The following IMPA1 variants were observed in gnomAD, a reference collection of about 807,000 sequenced individuals.
IMPA1 encodes the protein D-galactose 1-phosphate phosphatase.
A neutral mutation model predicts 34.9 loss-of-function variants in IMPA1; 21 were observed. The observed-to-expected ratio is 0.60, with a 90% confidence interval of 0.43 to 0.87. The LOEUF (loss-of-function observed/expected upper bound fraction) is 0.87, where lower values mean the gene tolerates loss of function less well. Among genes scored for constraint, IMPA1 ranks in the 40% least tolerant of loss-of-function variants. The pLI, the probability that IMPA1 is intolerant of heterozygous loss-of-function variation, is 0.00. For missense variants in IMPA1, 299 were observed against 336.4 expected (o/e 0.89, Z 0.87); for synonymous variants, 95 against 104.4 (o/e 0.91, Z 0.55).
At chr8:81,679,038 T>A (rs1807214276) in intron 4 of IMPA1, 88 bp downstream of exon 4, 1 of 784,478 alleles carries the variant, frequency 1.3e-6, no homozygotes, top group East Asian at 2.6e-5. Flanking sequence ...TACAATTTTC[T>A]AAAGTGTACA....
At chr8:81,685,100 T>C (rs1807462367) in intron 1 of IMPA1, among the ~76,000 whole-genome samples, 1 of 135,706 alleles carries the variant, frequency 7.4e-6, no homozygotes, top group East Asian at 2.1e-4. Flanking sequence ...TATATTTAGA[T>C]ACTATATATA....
chr8:81,679,809 G>A (rs73283093), intron 3 of IMPA1, among the ~76,000 whole-genome samples: 5,815 of 151,974 alleles, frequency 0.038, 374 homozygotes, highest in African/African-American at 0.13. Flanking sequence ...ACACATTTGC[G>A]GCAGATAAGA....
rs373708876 is a variant in IMPA1, at chr8:81,673,989, T to C, written c.349-40A>G. The stretch of plus-strand genomic sequence containing the variant: ...AAGTTTCCTTTACCAAACCTAAGTA[T>C]GTTTCATCCACTTTTTTCTAAGAAA... On this transcript the variant is annotated intron_variant, in intron 5 of 8. Transcript: ENST00000256108. 275 of 1,200,888 alleles carry C rather than the reference T, an allele frequency of 2.3e-4. 1 individual carries two copies. Among genetic ancestry groups the C allele is most frequent in the Admixed American group, 4.5e-4 (26 of 58,096 alleles). 74.4% of individuals were successfully genotyped at this position (1,200,888 alleles called of 1,614,324 possible).
chr8:81,666,727 G>A (rs1174370450), intron 7 of IMPA1, among the ~76,000 whole-genome samples: 2 of 151,472 alleles, frequency 1.3e-5, no homozygotes, highest in Admixed American at 6.6e-5. Flanking sequence ...TACAAAAGCC[G>A]GGCATGGTGG....
In IMPA1 at chr8:81,665,929, A is replaced by C. The variant is rs7825554; in HGVS notation, c.566+5010T>G. On this transcript the variant is annotated intron_variant, in intron 7 of 8. Transcript: ENST00000256108. ...CCCAAACTCAGGGAAAACTGTGCAC[A>C]TGTGCCCTCCCCCAAGGAATCTACT... is the stretch of plus-strand genomic sequence containing the variant. 9.2e-3 allele frequency among the ~76,000 whole-genome samples: 1,404 copies of C among 152,340 alleles called. 18 individuals carry two copies. Among genetic ancestry groups the C allele is most frequent in the African/African-American group, 0.031 (1,300 of 41,576 alleles).
chr8:81,676,280 CTT>C lies in IMPA1; in HGVS notation c.303-3_303-2del, dbSNP rs763126450. 1 of 1,305,842 alleles carries C rather than the reference CTT, an allele frequency of 7.7e-7. No individual in the cohort carries two copies. The highest frequency in any genetic ancestry group is 1.5e-5 in the African/African-American group (1 of 65,952). 80.9% of individuals were successfully genotyped at this position (1,305,842 alleles called of 1,614,324 possible). ...AATTGAAACAGCTACAAAAGGAAAT[CTT>C]TTTTTAAAAAAAAGGACAAAATACA... On this transcript the variant is annotated splice_acceptor_variant and splice_polypyrimidine_tract_variant and intron_variant, in intron 4 of 8. Coordinates refer to ENST00000256108, the MANE Select transcript of IMPA1 (RefSeq NM_005536.4). LOFTEE classifies it high-confidence loss of function.
chr8:81,676,495 C>T (rs1455189249), intron 4 of IMPA1, among the ~76,000 whole-genome samples: 1 of 152,040 alleles, frequency 6.6e-6, no homozygotes, highest in African/African-American at 2.4e-5. Flanking sequence ...ACCCTCCCCC[C>T]AACACACAGG....
At chr8:81,681,263 T>C (rs112949333) in intron 2 of IMPA1, among the ~76,000 whole-genome samples, 1 of 152,146 alleles carries the variant, frequency 6.6e-6, no homozygotes, top group Non-Finnish European at 1.5e-5. Flanking sequence ...TGGTGGCTCA[T>C]GCCTGCTGTA....
At chr8:81,674,809 G>C in intron 5 of IMPA1, 1 of 455,202 alleles carries the variant, frequency 2.2e-6, no homozygotes, top group Non-Finnish European at 4.4e-6. Flanking sequence ...TCATAATCGG[G>C]GGAAGAACCT....
intron 7 of IMPA1, among the ~76,000 whole-genome samples, chr8:81,668,172 G>A (rs28769910): frequency 0.096 from 14,538 of 152,140 alleles, 872 homozygotes; most frequent in Middle Eastern, 0.15. Context: ...ATGAATTAGG[G>A]TATCTGGCAG....
At chr8:81,674,654 C>A in intron 5 of IMPA1, 1 of 355,954 alleles carries the variant, frequency 2.8e-6, no homozygotes, top group Non-Finnish European at 5.5e-6. Flanking sequence ...GATTTTAGAA[C>A]ATTCTTTTCT....
chr8:81,673,882 G>A lies in IMPA1; in HGVS notation c.416C>T (p.Ala139Val), dbSNP rs1442076876. The A allele has an allele frequency of 6.2e-7, 1 of 1,612,750 alleles. No homozygotes were observed. Among genetic ancestry groups the A allele is most frequent in the African/African-American group, 1.3e-5 (1 of 74,870 alleles). Residue 139 changes from alanine to valine, a missense_variant, in exon 6 of 9, where the codon GCC (alanine) becomes GTC (valine). Ala to Val is a moderately conservative substitution (Grantham distance 64, BLOSUM62 0). Coordinates refer to ENST00000256108, the MANE Select transcript of IMPA1 (RefSeq NM_005536.4). ...KMYTARKGKG[A>V]FCNGQKLQVS... ...TTGTAGTTTTTGACCATTACAAAAG[G>A]CACCTTTTCCTTTTCTGGCAGTGTA... is the stretch of plus-strand genomic sequence containing the variant.
chr8:81,677,627 A>G (rs938986765), intron 4 of IMPA1, among the ~76,000 whole-genome samples: 1 of 152,262 alleles, frequency 6.6e-6, no homozygotes, highest in Non-Finnish European at 1.5e-5. Flanking sequence ...ACATTCAACT[A>G]TTGAAGCTAA....
intron 1 of IMPA1, among the ~76,000 whole-genome samples, chr8:81,684,144 CACACACACACAT>C (rs1807393792): frequency 6.8e-6 from 1 of 148,038 alleles, no homozygotes; most frequent in South Asian, 2.1e-4. Flanking sequence ...CACATACACA[CACACACACACAT>C]ACACACACAT....
At chr8:81,660,085 C>T (rs986888012) in intron 8 of IMPA1, among the ~76,000 whole-genome samples, 2 of 152,152 alleles carry the variant, frequency 1.3e-5, no homozygotes, top group Admixed American at 6.5e-5. Flanking sequence ...TTGGGCCACA[C>T]ATAAAATACA....
In IMPA1 at chr8:81,686,279, CTG is replaced by C. The variant is rs548599863; in HGVS notation, c.-54_-53del. 1.5e-3 allele frequency: 1,500 copies of C among 997,376 alleles called. 2 individuals are homozygous for C. Among genetic ancestry groups the C allele is most frequent in the Middle Eastern group, 2.0e-3 (4 of 1,976 alleles). The allele number at this position is 997,376 out of a possible 1,614,324, so 61.8% of individuals were successfully genotyped here. ...TGAGTCGGAGGACGTCCGGCTAGCT[CTG>C]TGAACGGTGTTACCGCACTCGTCTC... On this transcript the variant is annotated 5_prime_UTR_variant, in exon 1 of 9. Transcript: ENST00000256108.
chr8:81,677,187 C>G (rs1029028189), intron 4 of IMPA1, among the ~76,000 whole-genome samples: 1 of 152,008 alleles, frequency 6.6e-6, no homozygotes, highest in African/African-American at 2.4e-5. Context: ...CCTCCACTTC[C>G]CGGGTTCAAG....
intron 8 of IMPA1, 46 bp downstream of exon 8, chr8:81,660,470 A>C (rs753742229): frequency 3.2e-6 from 5 of 1,565,230 alleles, no homozygotes. Flanking sequence ...TATGGACAAA[A>C]GTCCAACAGA....
chr8:81,661,516 A>G (rs1357989959), intron 7 of IMPA1, among the ~76,000 whole-genome samples: 1 of 152,252 alleles, frequency 6.6e-6, no homozygotes, highest in Non-Finnish European at 1.5e-5. Flanking sequence ...AATCATGAGG[A>G]AACCAGACAA....
Sources: gnomAD v4.1 joint callset for allele counts (sites outside exome capture counted in the v4.1 genomes callset) on GRCh38, gnomAD v4.1.1 for gene constraint, MANE v1.5 for transcripts, NCBI Gene and HGNC (gene_info 2026-07-23, HGNC 2026-07-21) for gene names.